Variants in PAX7 observed in about 807,000 individuals in gnomAD.
The protein encoded by PAX7 is paired box protein Pax-7.
A neutral mutation model predicts 50.7 loss-of-function variants in PAX7; 18 were observed. The ratio of observed to expected loss-of-function variants is 0.36; its 90% CI spans 0.25 to 0.53. The LOEUF is 0.53. PAX7 is among the 20% of genes least tolerant of loss of function. PAX7 has a pLI of 0.93. For synonymous variants in PAX7, 310 were observed against 290.4 expected (o/e 1.07, Z -0.69); for missense variants, 644 against 702.9 (o/e 0.92, Z 0.95).
chr1:18,642,302 T>C (rs2088268689), intron 4 of PAX7, among the ~76,000 whole-genome samples: 1 of 152,040 alleles, frequency 6.6e-6, no homozygotes. Context: ...CACCTAAGGA[T>C]ATAAACATGT....
intron 7 of PAX7, among the ~76,000 whole-genome samples, chr1:18,733,009 T>A (rs796541837): frequency 3.3e-5 from 5 of 152,222 alleles, no homozygotes; most frequent in African/African-American, 1.2e-4. Flanking sequence ...AAGTCTATTC[T>A]TGGAGTCCAG....
rs77953314 is a variant in PAX7 at position 18,728,572 on chromosome 1, C to T, written c.1156-7060C>T. ...AATCACCCGGGAGCTTTAAAAACTC[C>T]TGACCTGACCGGGCGTCGTGGCTCA... is the stretch of plus-strand genomic sequence containing the variant. On this transcript the variant is annotated intron_variant, in intron 7 of 8. Coordinates refer to ENST00000420770, the MANE Select transcript of PAX7 (RefSeq NM_001135254.2). Among the ~76,000 whole-genome samples, 1,194 of 152,072 alleles carry T rather than the reference C, an allele frequency of 7.9e-3. 16 individuals are homozygous for T. The highest frequency in any genetic ancestry group is 0.011 in the Non-Finnish European group (748 of 67,966).
In PAX7 at chr1:18,635,128, T is replaced by C. The variant is rs754279860; in HGVS notation, c.339T>C (p.Asp113=). ...CTCTGAAGCAGGTGGCGACTCCGGA[T>C]GTAGAGAAAAAGATTGAGGAGTACA... ...GSKPRQVATP[D]VEKKIEEYKR... is the part of the protein sequence containing the mutation. Residue 113 remains aspartate (D), a synonymous_variant, in exon 3 of 9, where the codon GAT becomes GAC. Transcript: ENST00000420770. 1.8e-5 allele frequency: 29 copies of C among 1,613,340 alleles called. No homozygotes were observed. The highest frequency in any genetic ancestry group is 1.6e-4 in the Middle Eastern group (1 of 6,062).
chr1:18,707,149 A>G (rs745765911), intron 7 of PAX7, among the ~76,000 whole-genome samples: 2 of 152,356 alleles, frequency 1.3e-5, no homozygotes, highest in South Asian at 2.1e-4. Context: ...ATCAGTGAAC[A>G]TGAGAGGAAG....
chr1:18,726,086 C>T lies in PAX7; in HGVS notation c.1156-9546C>T, dbSNP rs956334513. 2.0e-5 allele frequency among the ~76,000 whole-genome samples: 3 copies of T among 150,746 alleles called. No homozygotes were observed. The highest frequency in any genetic ancestry group is 4.4e-5 in the Non-Finnish European group (3 of 67,858). ...CAATAAGTGGAATGCCATTCTGTTC[C>T]TCCCTCCGCCCCCACCTCACCTCTA... On this transcript the variant is annotated intron_variant, in intron 7 of 8. Coordinates refer to ENST00000420770, the MANE Select transcript of PAX7 (RefSeq NM_001135254.2). This position sits in a 1 kb window ranked among gnomAD's most constrained non-coding sequence, Gnocchi z 4.8.
chr1:18,691,694 C>G, intron 4 of PAX7, 60 bp from the exon 5 acceptor site: 1 of 1,484,334 alleles, frequency 6.7e-7, no homozygotes, highest in Non-Finnish European at 9.2e-7. Flanking sequence ...CCTCCCAGAC[C>G]CCGGCACCCT....
chr1:18,710,172 G>A (rs939022651), intron 7 of PAX7, among the ~76,000 whole-genome samples: 1 of 152,156 alleles, frequency 6.6e-6, no homozygotes, highest in Non-Finnish European at 1.5e-5. Context: ...CCCTACTCTT[G>A]GGGAAATAGG....
At chr1:18,688,539 C>G (rs141467839) in intron 4 of PAX7, among the ~76,000 whole-genome samples, 1 of 152,322 alleles carries the variant, frequency 6.6e-6, no homozygotes, top group African/African-American at 2.4e-5. Context: ...GAATCTAGAA[C>G]GTTTCCGTCA....
At chr1:18,662,696 G>A (rs1230630202) in intron 4 of PAX7, among the ~76,000 whole-genome samples, 4 of 151,996 alleles carry the variant, frequency 2.6e-5, no homozygotes, top group Non-Finnish European at 5.9e-5. Context: ...TCAGCCTCCC[G>A]AGTAGCTGGG....
rs1436573553 is a variant in PAX7 at position 18,726,421 on chromosome 1, G to T, written c.1156-9211G>T. On this transcript the variant is annotated intron_variant, in intron 7 of 8. Coordinates refer to ENST00000420770, the MANE Select transcript of PAX7 (RefSeq NM_001135254.2). This position sits in a 1 kb window ranked among gnomAD's most constrained non-coding sequence, Gnocchi z 4.8. Reference sequence around the variant, plus strand: ...AAGATAAATTCATTTCTTCATTCATGAATTCCTCACTTAGCAAATGTTTAT... The same window carrying T: ...AAGATAAATTCATTTCTTCATTCATTAATTCCTCACTTAGCAAATGTTTAT... Among the ~76,000 whole-genome samples, 3 of 152,224 alleles carry T rather than the reference G, an allele frequency of 2.0e-5. No individual in the cohort carries two copies. The East Asian group carries it at 5.8e-4, about 29-fold the overall frequency.
At chr1:18,643,085 G>C (rs2088281697) in intron 4 of PAX7, among the ~76,000 whole-genome samples, 1 of 152,194 alleles carries the variant, frequency 6.6e-6, no homozygotes, top group Non-Finnish European at 1.5e-5. Flanking sequence ...CTCGGGAGGG[G>C]TGAAGGGAAG....
intron 4 of PAX7, among the ~76,000 whole-genome samples, chr1:18,675,100 C>T (rs776559028): frequency 1.3e-5 from 2 of 152,108 alleles, no homozygotes; most frequent in Admixed American, 6.5e-5. Context: ...CAAGTCTGCA[C>T]CTCTTTTTGA....
At chr1:18,716,219 C>A (rs1341394134) in intron 7 of PAX7, among the ~76,000 whole-genome samples, 1 of 152,202 alleles carries the variant, frequency 6.6e-6, no homozygotes, top group Non-Finnish European at 1.5e-5. Flanking sequence ...TGGGTCGGGT[C>A]CCCCAGGACA....
At chr1:18,655,741 A>G (rs763061919) in intron 4 of PAX7, among the ~76,000 whole-genome samples, 42 of 151,850 alleles carry the variant, frequency 2.8e-4, no homozygotes, top group Non-Finnish European at 3.5e-4. Context: ...TAAAACATTG[A>G]ACTAGAGCCA....
chr1:18,722,035 G>A (rs1310749194), intron 7 of PAX7, among the ~76,000 whole-genome samples: 1 of 152,200 alleles, frequency 6.6e-6, no homozygotes, highest in African/African-American at 2.4e-5. Flanking sequence ...TATCAAATGT[G>A]GATGACACAG....
chr1:18,709,572 G>A (rs1229999935), intron 7 of PAX7, among the ~76,000 whole-genome samples: 1 of 152,220 alleles, frequency 6.6e-6, no homozygotes, highest in Non-Finnish European at 1.5e-5. Context: ...CAGAGGGCCA[G>A]GTCCCGATGG....
At chr1:18,682,609 C>T (rs1043440881) in intron 4 of PAX7, among the ~76,000 whole-genome samples, 1 of 152,186 alleles carries the variant, frequency 6.6e-6, no homozygotes, top group Non-Finnish European at 1.5e-5. Context: ...CCCACCCTGC[C>T]ACCTTCTGGC....
At chr1:18,725,630 G>A (rs145959727) in intron 7 of PAX7, among the ~76,000 whole-genome samples, 1 of 152,356 alleles carries the variant, frequency 6.6e-6, no homozygotes, top group African/African-American at 2.4e-5. Context: ...CCGCGTGAAA[G>A]TGTGCTAATT....
At chr1:18,638,925 G>A (rs515124) in intron 4 of PAX7, among the ~76,000 whole-genome samples, 3,789 of 152,262 alleles carry the variant, frequency 0.025, 199 homozygotes, top group East Asian at 0.23. Flanking sequence ...GTAGGGAGAG[G>A]CAGAGATGCC....
Sources: allele counts gnomAD v4.1 joint callset (sites outside exome capture counted in the v4.1 genomes callset), GRCh38; gene constraint gnomAD v4.1.1; non-coding constraint Gnocchi (gnomAD v3.1); transcripts MANE v1.5; gene names NCBI Gene and HGNC (gene_info 2026-07-23, HGNC 2026-07-21).